The following SRSF9 variants were observed in gnomAD, a reference collection of about 807,000 sequenced individuals.
SRSF9 encodes serine and arginine rich splicing factor 9.
Under a neutral mutation model 25.9 loss-of-function variants are expected in SRSF9, and 3 were observed. The observed-to-expected ratio is 0.12, with a 90% CI of 0.05 to 0.30. The LOEUF (loss-of-function observed/expected upper bound fraction) is 0.30, where lower values mean the gene tolerates loss of function less well. SRSF9 is among the 10% of genes least tolerant of loss of function. The pLI, the probability that SRSF9 is intolerant of heterozygous loss-of-function variation, is 1.00. For missense variants in SRSF9, 161 were observed against 303.5 expected (o/e 0.53, Z 3.49); for synonymous variants, 114 against 113.2 (o/e 1.01, Z -0.05).
At position 120,463,900 on chromosome 12, in the gene SRSF9, C is replaced by T. The variant is rs766811801; in HGVS notation, c.522+50G>A. The T allele has an allele frequency of 1.1e-5, 17 of 1,557,522 alleles. No individual in the cohort carries two copies. In the East Asian group the frequency reaches 3.8e-4, roughly 35 times the overall value. On this transcript the variant is annotated intron_variant, in intron 3 of 3. Transcript: ENST00000229390. ...CTTGCTACCTCTGCTAGGTCAGGTT[C>T]AAGTGGAGTGATTTGAGTACAAGCT... is the stretch of plus-strand genomic sequence containing the variant.
At chr12:120,468,997 G>A (rs1382350961) in intron 1 of SRSF9, among the ~76,000 whole-genome samples, 2 of 152,018 alleles carry the variant, frequency 1.3e-5, no homozygotes, top group Admixed American at 6.5e-5. Context: ...CCTGCAGCTT[G>A]CTCTCCAGCC....
chr12:120,469,569 C>CCGTCGCCCTCGCCGCCGCGCT lies in SRSF9; in HGVS notation c.20_40dup (p.Glu7_Asp13dup). ...CGGAAGGTTCCCCACGTAGATGCGC[C>CCGTCGCCCTCGCCGCCGCGCT]CGTCGCCCTCGCCGCCGCGCTCGTC... On this transcript the variant is annotated inframe_insertion, in exon 1 of 4. Transcript: ENST00000229390. 6.4e-7 allele frequency: 1 copy of CCGTCGCCCTCGCCGCCGCGCT among 1,562,504 alleles called. No individual in the cohort carries two copies. The highest frequency in any genetic ancestry group is 1.2e-5 in the South Asian group (1 of 85,758).
intron 1 of SRSF9, among the ~76,000 whole-genome samples, chr12:120,468,094 CA>C (rs62860261): frequency 0.078 from 7,141 of 91,646 alleles, 800 homozygotes; most frequent in African/African-American, 0.28. Context: ...AGACCTGTCT[CA>C]AAAAAAAAAA....
chr12:120,466,093 T>C lies in SRSF9; in HGVS notation c.189-306A>G, dbSNP rs117802907. Among the ~76,000 whole-genome samples, 1,317 of 152,384 alleles carry C rather than the reference T, an allele frequency of 8.6e-3. 14 individuals carry two copies. The highest frequency in any genetic ancestry group is 0.03 in the African/African-American group (1,251 of 41,588). ...AAAAGAATCAACTGCTGACAGATTA[T>C]TGATTTTGCCAATAAACCATCAGTG... On this transcript the variant is annotated intron_variant, in intron 1 of 3. Transcript: ENST00000229390.
intron 1 of SRSF9, among the ~76,000 whole-genome samples, chr12:120,467,408 C>T (rs1360597492): frequency 2.6e-5 from 4 of 151,986 alleles, no homozygotes; most frequent in Non-Finnish European, 4.4e-5. Context: ...GGCTGAGGCA[C>T]GAGAATCTCT....
In SRSF9 at chr12:120,464,077, C is replaced by T; in HGVS notation, c.395G>A (p.Arg132Gln). ...AGCATAACAGACATCCCCAGCTTCT[C>T]GCATGTGATCCTTCAGGTCCTGCCA... is the stretch of plus-strand genomic sequence containing the variant. ...GSWQDLKDHMREAGDVCYADV... is the reference protein window; with the variant it reads ...GSWQDLKDHMQEAGDVCYADV... The change falls in exon 3 of 4, where the codon CGA becomes CAA. Residue 132 changes from arginine to glutamine, a missense_variant. Transcript: ENST00000229390. 3 of 1,614,130 alleles carry T rather than the reference C, an allele frequency of 1.9e-6. No individual in the cohort carries two copies. Among genetic ancestry groups the T allele is most frequent in the Middle Eastern group, 1.6e-4 (1 of 6,062 alleles).
At chr12:120,468,729 G>T (rs982386927) in intron 1 of SRSF9, among the ~76,000 whole-genome samples, 1 of 152,196 alleles carries the variant, frequency 6.6e-6, no homozygotes, top group African/African-American at 2.4e-5. Context: ...GGCCGACGCT[G>T]TTTGCAAAAT....
At chr12:120,468,600 G>A (rs924990336) in intron 1 of SRSF9, among the ~76,000 whole-genome samples, 4 of 152,240 alleles carry the variant, frequency 2.6e-5, no homozygotes, top group African/African-American at 9.6e-5. Context: ...AGCAAATGAT[G>A]CTAGGAAAAC....
At chr12:120,465,151 C>G (rs1054598503) in intron 2 of SRSF9, 1 of 152,274 alleles carries the variant, frequency 6.6e-6, no homozygotes, top group Non-Finnish European at 1.5e-5. Context: ...AAACACTAGA[C>G]AGAAATAGTC....
chr12:120,462,601 G>A (rs1372711213), intron 3 of SRSF9: 1 of 154,304 alleles, frequency 6.5e-6, no homozygotes, highest in Non-Finnish European at 1.4e-5. Flanking sequence ...TTCCAGATGT[G>A]AGGACCTGAG....
In SRSF9 at chr12:120,465,797, AC is replaced by A. The variant is rs768204089; in HGVS notation, c.189-11del. 42 of 1,566,390 alleles carry A rather than the reference AC, an allele frequency of 2.7e-5. No individual in the cohort carries two copies. In the Admixed American group the frequency reaches 6.6e-4, roughly 25 times the overall value. On this transcript the variant is annotated splice_polypyrimidine_tract_variant and intron_variant, in intron 1 of 3. Coordinates refer to ENST00000229390, the MANE Select transcript of SRSF9 (RefSeq NM_003769.3). ...AGCATCCTCTGCATCTCTAAAAAAA[AC>A]AACAACAACAAAAAAAACGTTTGGA...
intron 3 of SRSF9, chr12:120,462,856 T>C (rs1282267596): frequency 6.6e-6 from 1 of 152,160 alleles, no homozygotes; most frequent in Non-Finnish European, 1.5e-5. Context: ...TCACCTTAGG[T>C]GAAAGTCAGT....
At chr12:120,464,468 T>C (rs1228081025) in intron 2 of SRSF9, 1 of 183,008 alleles carries the variant, frequency 5.5e-6, no homozygotes, top group East Asian at 1.4e-4. Flanking sequence ...TTCCAATTTT[T>C]TCCATTATGA....
At chr12:120,466,233 G>A (rs1014327884) in intron 1 of SRSF9, among the ~76,000 whole-genome samples, 19 of 152,158 alleles carry the variant, frequency 1.2e-4, no homozygotes, top group African/African-American at 4.6e-4. Context: ...TAGGCGGTTA[G>A]CCAGGCATGG....
chr12:120,469,528 T>C lies in SRSF9; in HGVS notation c.82A>G (p.Lys28Glu). The change falls in exon 1 of 4, where the codon AAG (lysine) becomes GAG (glutamate). Residue 28 changes from lysine to glutamate, a missense_variant. Lys to Glu is a moderately conservative substitution (Grantham distance 56). Transcript: ENST00000229390. ...VGNLPTDVRE[K>E]DLEDLFYKYG... is the part of the protein sequence containing the mutation. ...TTGTAGAACAGGTCCTCCAAGTCCT[T>C]CTCGCGCACGTCGGTCGGAAGGTTC... 4 of 1,592,404 alleles carry C rather than the reference T, an allele frequency of 2.5e-6. No individual in the cohort carries two copies. Among genetic ancestry groups the C allele is most frequent in the Non-Finnish European group, 2.6e-6 (3 of 1,171,414 alleles).
In SRSF9 at chr12:120,469,518, T is replaced by C. The variant is rs1293906218; in HGVS notation, c.92A>G (p.Glu31Gly). The C allele has an allele frequency of 6.3e-7, 1 of 1,594,520 alleles. No homozygotes were observed. Among genetic ancestry groups the C allele is most frequent in the Non-Finnish European group, 8.5e-7 (1 of 1,172,380 alleles). Residue 31 changes from glutamate to glycine, a missense_variant, in exon 1 of 4, where the codon GAG (glutamate) becomes GGG (glycine). This residue lies in a region of SRSF9 where 99 missense variants were observed against 156.7 expected (regional missense o/e 0.63). Coordinates refer to ENST00000229390, the MANE Select transcript of SRSF9 (RefSeq NM_003769.3). Reference sequence around the variant, plus strand: ...GCGGCCGTACTTGTAGAACAGGTCCTCCAAGTCCTTCTCGCGCACGTCGGT... The same window carrying C: ...GCGGCCGTACTTGTAGAACAGGTCCCCCAAGTCCTTCTCGCGCACGTCGGT... ...LPTDVREKDLEDLFYKYGRIR... is the reference protein window; with the variant it reads ...LPTDVREKDLGDLFYKYGRIR...
chr12:120,464,452 T>A, intron 2 of SRSF9: 1 of 194,576 alleles, frequency 5.1e-6, no homozygotes, highest in Non-Finnish European at 1.0e-5. Flanking sequence ...CTCCTAATAC[T>A]TTGAGTTCCA....
intron 1 of SRSF9, 42 bp downstream of exon 1, chr12:120,469,362 GCAGGGAAGGCGGGGGCCT>G: frequency 7.2e-7 from 1 of 1,394,838 alleles, no homozygotes; most frequent in Non-Finnish European, 9.7e-7. Flanking sequence ...GGAGGGGACA[GCAGGGAAGGCGGGGGCCT>G]CAGGCACCGA....
chr12:120,462,246 A>ATATATCT, intron 3 of SRSF9, 84 bp from the exon 4 acceptor site: 1 of 1,442,576 alleles, frequency 6.9e-7, no homozygotes, highest in Non-Finnish European at 9.4e-7. Flanking sequence ...TAACAATAAT[A>ATATATCT]GTTAAGTATT....
Sources: gnomAD v4.1 joint callset for allele counts (sites outside exome capture counted in the v4.1 genomes callset) on GRCh38, gnomAD v4.1.1 for gene constraint, gnomAD v4.1.1 regional missense constraint, MANE v1.5 for transcripts, NCBI Gene and HGNC (gene_info 2026-07-23, HGNC 2026-07-21) for gene names.